ASTN1: variants seen among roughly 807,000 people sequenced by gnomAD.
The protein encoded by ASTN1 is astrotactin 1, also known as astrotactin-1.
Under a neutral mutation model 140.7 loss-of-function variants are expected in ASTN1, and 41 were observed. The ratio of observed to expected loss-of-function variants is 0.29; its 90% CI spans 0.23 to 0.38. The LOEUF is 0.38. Ranked by LOEUF, ASTN1 falls within the 10% of genes least tolerant of loss-of-function variation. The pLI is 1.00. For synonymous variants in ASTN1, 640 were observed against 652.2 expected (o/e 0.98, Z 0.29); for missense variants, 1,479 against 1,678.8 (o/e 0.88, Z 2.08).
intron 17 of ASTN1, among the ~76,000 whole-genome samples, chr1:176,892,296 C>A (rs559702753): frequency 1.3e-5 from 2 of 151,804 alleles, no homozygotes; most frequent in African/African-American, 4.8e-5. Flanking sequence ...TTAGGGAGAC[C>A]AGTGAGAAGA....
chr1:176,879,768 T>C (rs780603021), intron 20 of ASTN1, among the ~76,000 whole-genome samples: 1 of 152,236 alleles, frequency 6.6e-6, no homozygotes, highest in Non-Finnish European at 1.5e-5. Context: ...ATTTTTAACA[T>C]GAAGCAGGTA....
chr1:176,982,595 A>G (rs1187570365), intron 8 of ASTN1, among the ~76,000 whole-genome samples: 1 of 152,154 alleles, frequency 6.6e-6, no homozygotes, highest in Non-Finnish European at 1.5e-5. Flanking sequence ...CGGTGATGCC[A>G]TGCTGCTGGA....
At chr1:177,000,438 A>T (rs774510290) in intron 8 of ASTN1, among the ~76,000 whole-genome samples, 3 of 152,212 alleles carry the variant, frequency 2.0e-5, no homozygotes, top group Non-Finnish European at 4.4e-5. Context: ...AAAACTTATG[A>T]TCTAAAGAAT....
rs143588017 is a variant in ASTN1 at position 176,900,875 on chromosome 1, A to T, written c.2672-6045T>A. Reference sequence around the variant, plus strand: ...CACCATCGGATGGCAGGTGCCTTGAAGGACAAAATTATGCCTTGTTCTCCA... The same window carrying T: ...CACCATCGGATGGCAGGTGCCTTGATGGACAAAATTATGCCTTGTTCTCCA... On this transcript the variant is annotated intron_variant, in intron 16 of 22. Coordinates refer to ENST00000361833, the MANE Select transcript of ASTN1 (RefSeq NM_004319.3). Among the ~76,000 whole-genome samples the T allele has an allele frequency of 5.6e-3, 851 of 152,324 alleles. 7 individuals carry two copies. Among genetic ancestry groups the T allele is most frequent in the African/African-American group, 0.019 (807 of 41,560 alleles).
intron 17 of ASTN1, among the ~76,000 whole-genome samples, chr1:176,890,571 A>G (rs1241560530): frequency 6.6e-6 from 1 of 152,226 alleles, no homozygotes; most frequent in Non-Finnish European, 1.5e-5. Context: ...GCCACATTTC[A>G]AGAGCGCTGG....
At position 177,164,490 on chromosome 1, in the gene ASTN1, C is replaced by G; in HGVS notation, c.187G>C (p.Glu63Gln). The change falls in exon 1 of 23, where the codon GAG becomes CAG. Residue 63 changes from glutamate to glutamine, a missense_variant. Around this residue, in one of 3 missense-constraint regions of ASTN1, gnomAD observed 729 missense variants for 860.4 expected, o/e 0.85. Transcript: ENST00000361833. Reference sequence around the variant, plus strand: ...CGCACCGAGAAGAGGAGCTTGGGCTCCGAGGCCGAGGGGCTGTGCATGATG... The same window carrying G: ...CGCACCGAGAAGAGGAGCTTGGGCTGCGAGGCCGAGGGGCTGTGCATGATG... ...LSIMHSPSAS[E>Q]PKLLFSVRND... 1 of 1,613,956 alleles carries G rather than the reference C, an allele frequency of 6.2e-7. No homozygotes were observed.
At chr1:176,869,638 T>C (rs1415646233) in intron 21 of ASTN1, among the ~76,000 whole-genome samples, 13 of 152,216 alleles carry the variant, frequency 8.5e-5, no homozygotes. Flanking sequence ...TATGAACTGC[T>C]GGATCGCCAC....
At chr1:176,947,819 G>A (rs1381625338) in intron 12 of ASTN1, among the ~76,000 whole-genome samples, 3 of 152,138 alleles carry the variant, frequency 2.0e-5, no homozygotes, top group Admixed American at 1.3e-4. Flanking sequence ...AGATCAGGTC[G>A]GGTATCCTGT....
At chr1:177,043,859 A>T (rs182905499) in intron 2 of ASTN1, among the ~76,000 whole-genome samples, 29 of 152,198 alleles carry the variant, frequency 1.9e-4, no homozygotes, top group Middle Eastern at 3.4e-3. Context: ...AGGAGGAGAA[A>T]CCCTGGCAGT....
At chr1:176,954,982 G>A (rs569409442) in intron 11 of ASTN1, among the ~76,000 whole-genome samples, 7 of 152,288 alleles carry the variant, frequency 4.6e-5, no homozygotes, top group South Asian at 4.1e-4. Flanking sequence ...CAGCCTATGC[G>A]GACCAAACAA....
At chr1:176,947,317 A>G (rs1193298544) in intron 12 of ASTN1, among the ~76,000 whole-genome samples, 1 of 152,242 alleles carries the variant, frequency 6.6e-6, no homozygotes, top group African/African-American at 2.4e-5. Context: ...TTGTAGAAGT[A>G]GAGGTGCAAA....
intron 1 of ASTN1, among the ~76,000 whole-genome samples, chr1:177,080,259 CAAA>C (rs11300384): frequency 2.1e-5 from 1 of 48,402 alleles, no homozygotes; most frequent in African/African-American, 8.6e-5. Flanking sequence ...ATCACCAGGC[CAAA>C]AAAAAAAAAA....
chr1:177,040,935 G>A (rs559383070), intron 2 of ASTN1, among the ~76,000 whole-genome samples: 38 of 152,168 alleles, frequency 2.5e-4, no homozygotes, highest in Admixed American at 6.5e-4. Context: ...GCTTTTTTCC[G>A]TTCTTGAGAT....
intron 7 of ASTN1, among the ~76,000 whole-genome samples, chr1:177,019,568 T>C (rs1429849442): frequency 6.6e-6 from 1 of 152,216 alleles, no homozygotes; most frequent in African/African-American, 2.4e-5. Flanking sequence ...CAGCCTACCA[T>C]TTCTCAAGTG....
Position 177,137,051 on chromosome 1 carries a change from G to A in ASTN1, c.283+27343C>T, listed in dbSNP as rs1488231235. Among the ~76,000 whole-genome samples the A allele has an allele frequency of 4.1e-4, 62 of 152,084 alleles. 1 individual carries two copies. Among genetic ancestry groups the A allele is most frequent in the Admixed American group, 4.0e-3 (61 of 15,270 alleles). ...GTCTCCAGCCATTGCAAATGGGAGG[G>A]GGTGGTAAAATCATCCCTGGCAGAG... On this transcript the variant is annotated intron_variant, in intron 1 of 22. Transcript: ENST00000361833.
intron 1 of ASTN1, among the ~76,000 whole-genome samples, chr1:177,154,837 T>C (rs911809458): frequency 6.6e-6 from 1 of 151,970 alleles, no homozygotes; most frequent in Non-Finnish European, 1.5e-5. Flanking sequence ...ATGCTGTGAA[T>C]TGAGGAATAT....
At chr1:176,982,940 G>A (rs1673693739) in intron 8 of ASTN1, among the ~76,000 whole-genome samples, 1 of 152,188 alleles carries the variant, frequency 6.6e-6, no homozygotes, top group Non-Finnish European at 1.5e-5. Context: ...GAAAAGGGCA[G>A]TGTGAAACTA....
In ASTN1 at chr1:177,134,545, A is replaced by G. The variant is rs140516066; in HGVS notation, c.283+29849T>C. Among the ~76,000 whole-genome samples the G allele has an allele frequency of 6.1e-3, 930 of 152,292 alleles. 8 individuals carry two copies. Among genetic ancestry groups the G allele is most frequent in the African/African-American group, 0.021 (878 of 41,568 alleles). ...CACATCGCTATGCTTCAGTCTTACT[A>G]TTATTCAGTGGGGAATGAAAGGGGC... is the stretch of plus-strand genomic sequence containing the variant. On this transcript the variant is annotated intron_variant, in intron 1 of 22. Transcript: ENST00000361833.
intron 1 of ASTN1, among the ~76,000 whole-genome samples, chr1:177,135,425 G>A (rs1682145328): frequency 1.3e-5 from 2 of 151,770 alleles, no homozygotes; most frequent in South Asian, 2.1e-4. Flanking sequence ...GAGGCAGCAG[G>A]AAAAGAGCCA....
Sources: allele counts gnomAD v4.1 joint callset (sites outside exome capture counted in the v4.1 genomes callset), GRCh38; gene constraint gnomAD v4.1.1; regional missense constraint gnomAD v4.1.1; transcripts MANE v1.5; gene names NCBI Gene and HGNC (gene_info 2026-07-23, HGNC 2026-07-21).